Variants in TAFA1 observed in about 807,000 individuals in gnomAD.
The protein encoded by TAFA1 is chemokine-like protein TAFA-1.
In TAFA1, 4 loss-of-function variants were observed where a neutral mutation model predicts 18.5. The observed-to-expected ratio is 0.22, with a 90% CI of 0.11 to 0.49. The LOEUF (loss-of-function observed/expected upper bound fraction) is 0.49. Ranked by LOEUF, TAFA1 falls within the 20% of genes least tolerant of loss-of-function variation. The pLI is 0.98. For synonymous variants in TAFA1, 56 were observed against 55.2 expected, an observed-to-expected ratio of 1.01 and a Z score of -0.06; for missense variants, 147 against 169.0, an observed-to-expected ratio of 0.87 and a Z score of 0.72.
At chr3:68,086,516 T>A (rs1356930265) in intron 2 of TAFA1, among the ~76,000 whole-genome samples, 1 of 152,256 alleles carries the variant, frequency 6.6e-6, no homozygotes, top group Non-Finnish European at 1.5e-5. Flanking sequence ...CATTTTCACT[T>A]ATTCTTATAA....
intron 3 of TAFA1, among the ~76,000 whole-genome samples, chr3:68,529,681 G>C (rs1411638625): frequency 1.3e-5 from 2 of 152,142 alleles, no homozygotes; most frequent in East Asian, 1.9e-4. Flanking sequence ...AGCTGTGTGT[G>C]CAGAGACCAC....
intron 2 of TAFA1, among the ~76,000 whole-genome samples, chr3:68,249,656 G>C (rs2067155375): frequency 1.3e-5 from 2 of 152,154 alleles, no homozygotes; most frequent in African/African-American, 4.8e-5. Context: ...ACAGCAGACA[G>C]TCAGGACTAA....
intron 2 of TAFA1, among the ~76,000 whole-genome samples, chr3:68,292,876 AAAAC>A (rs796132662): frequency 5.2e-4 from 79 of 152,238 alleles, no homozygotes; most frequent in African/African-American, 1.4e-3. Context: ...AGCTACTAGA[AAAAC>A]AAACAAACAA....
intron 3 of TAFA1, among the ~76,000 whole-genome samples, chr3:68,459,368 G>A (rs949730173): frequency 3.3e-5 from 5 of 152,118 alleles, no homozygotes; most frequent in African/African-American, 1.2e-4. Flanking sequence ...TGAAGTTATT[G>A]GAAAAATTCT....
intron 2 of TAFA1, among the ~76,000 whole-genome samples, chr3:68,229,274 A>G (rs2066841744): frequency 6.6e-6 from 1 of 152,212 alleles, no homozygotes; most frequent in African/African-American, 2.4e-5. Context: ...TGTTTTTACA[A>G]CGTTCAAAAA....
intron 3 of TAFA1, among the ~76,000 whole-genome samples, chr3:68,472,706 G>A (rs891873301): frequency 6.6e-6 from 1 of 151,940 alleles, no homozygotes; most frequent in Admixed American, 6.6e-5. Flanking sequence ...TTTTACAATT[G>A]CATGTAAATA....
At chr3:68,261,057 C>G (rs542549175) in intron 2 of TAFA1, among the ~76,000 whole-genome samples, 1 of 151,956 alleles carries the variant, frequency 6.6e-6, no homozygotes, top group Non-Finnish European at 1.5e-5. Context: ...CTACAATGAA[C>G]TCAAACAAAT....
intron 2 of TAFA1, among the ~76,000 whole-genome samples, chr3:68,410,300 A>G (rs1401500264): frequency 6.6e-6 from 1 of 152,094 alleles, no homozygotes; most frequent in East Asian, 1.9e-4. Flanking sequence ...CAGGGTCAAC[A>G]TGGGCAAAAG....
chr3:68,322,661 G>A (rs2068713096), intron 2 of TAFA1, among the ~76,000 whole-genome samples: 1 of 152,156 alleles, frequency 6.6e-6, no homozygotes, highest in Admixed American at 6.6e-5. Context: ...GATGGTAATA[G>A]TCAGGGGCCG....
At position 68,453,891 on chromosome 3, in the gene TAFA1, C is replaced by T. The variant is rs530986573; in HGVS notation, c.259+36471C>T. Among the ~76,000 whole-genome samples, 291 of 152,292 alleles carry T rather than the reference C, an allele frequency of 1.9e-3. 2 individuals are homozygous for T. Among genetic ancestry groups the T allele is most frequent in the African/African-American group, 6.6e-3 (276 of 41,570 alleles). On this transcript the variant is annotated intron_variant, in intron 3 of 4. Transcript: ENST00000478136. ...ATAAAGATGCAGTAACTTCTAGGGC[C>T]TCTCACCTTGACACTCTGCTGGAAA...
chr3:68,254,536 G>C (rs1489653999), intron 2 of TAFA1, among the ~76,000 whole-genome samples: 1 of 151,906 alleles, frequency 6.6e-6, no homozygotes, highest in Non-Finnish European at 1.5e-5. Flanking sequence ...GTGGGGAGGG[G>C]ACTATAATTA....
chr3:68,302,171 TAA>T (rs2068316935), intron 2 of TAFA1, among the ~76,000 whole-genome samples: 1 of 152,196 alleles, frequency 6.6e-6, no homozygotes, highest in Non-Finnish European at 1.5e-5. Context: ...AAGGCCAAAG[TAA>T]TAATTACATT....
chr3:68,233,119 T>G (rs1003989421), intron 2 of TAFA1, among the ~76,000 whole-genome samples: 12 of 152,200 alleles, frequency 7.9e-5, no homozygotes, highest in African/African-American at 2.9e-4. Context: ...ATTGAGCATT[T>G]TTTCATTTAT....
chr3:68,045,056 A>G (rs916166286), intron 2 of TAFA1, among the ~76,000 whole-genome samples: 2 of 152,120 alleles, frequency 1.3e-5, no homozygotes, highest in African/African-American at 2.4e-5. Context: ...TGGCTCACTT[A>G]TACAACTAGG....
At chr3:68,417,677 G>A in intron 3 of TAFA1, 1 of 435,544 alleles carries the variant, frequency 2.3e-6, no homozygotes, top group East Asian at 4.2e-5. Flanking sequence ...TTTGAGAGGT[G>A]ACTGGGCTGT....
chr3:68,214,119 G>A (rs1343222165), intron 2 of TAFA1, among the ~76,000 whole-genome samples: 1 of 152,034 alleles, frequency 6.6e-6, no homozygotes, highest in Middle Eastern at 3.2e-3. Context: ...TCTTGGATTT[G>A]CTTGTTAGAA....
intron 2 of TAFA1, among the ~76,000 whole-genome samples, chr3:68,281,991 G>A (rs1907590): frequency 0.034 from 5,225 of 152,218 alleles, 290 homozygotes; most frequent in African/African-American, 0.12. Flanking sequence ...GGCTGGGGAG[G>A]CCTCAGGAAA....
At chr3:68,450,988 C>T (rs1271153584) in intron 3 of TAFA1, among the ~76,000 whole-genome samples, 1 of 152,164 alleles carries the variant, frequency 6.6e-6, no homozygotes, top group Non-Finnish European at 1.5e-5. Flanking sequence ...ACATTACTTT[C>T]CTGAAGAAAC....
chr3:68,316,941 T>G (rs1437714447), intron 2 of TAFA1, among the ~76,000 whole-genome samples: 2 of 152,256 alleles, frequency 1.3e-5, no homozygotes, highest in African/African-American at 4.8e-5. Flanking sequence ...CCATTATTTC[T>G]GACTCTATTT....
Sources: allele counts gnomAD v4.1 joint callset (sites outside exome capture counted in the v4.1 genomes callset), GRCh38; gene constraint gnomAD v4.1.1; transcripts MANE v1.5; gene names NCBI Gene and HGNC (gene_info 2026-07-23, HGNC 2026-07-21).